Variants in TOP1 observed in about 807,000 individuals in gnomAD.
The protein encoded by TOP1 is DNA topoisomerase 1.
Under a neutral mutation model 111.1 loss-of-function variants are expected in TOP1, and 10 were observed. That is an observed-to-expected ratio of 0.09 (90% CI 0.06 to 0.15). The LOEUF (loss-of-function observed/expected upper bound fraction) is 0.15. TOP1 is among the 10% of genes least tolerant of loss of function. TOP1 has a pLI of 1.00. For synonymous variants in TOP1, 271 were observed against 302.9 expected (o/e 0.89, Z 1.10); for missense variants, 474 against 926.7 (o/e 0.51, Z 6.34).
Position 41,079,916 on chromosome 20 carries a change from A to G in TOP1, c.336-169A>G, listed in dbSNP as rs903180890. Among the ~76,000 whole-genome samples, 1 of 152,244 alleles carries G rather than the reference A, an allele frequency of 6.6e-6. No homozygotes were observed. Among genetic ancestry groups the G allele is most frequent in the African/African-American group, 2.4e-5 (1 of 41,462 alleles). On this transcript the variant is annotated intron_variant, in intron 5 of 20. Transcript: ENST00000361337. The surrounding 1 kb of genome is among the most constrained non-coding windows in gnomAD (Gnocchi z 4.0). ...TGTACAATGAGGACAAATACTATCT[A>G]CTTCACAGGATTGAAGTGAGAAAAA...
chr20:41,036,971 C>T (rs2122589156), intron 2 of TOP1, among the ~76,000 whole-genome samples: 1 of 152,018 alleles, frequency 6.6e-6, no homozygotes, highest in East Asian at 1.9e-4. Flanking sequence ...GCTGGGACTA[C>T]AGGCGCCCGC....
chr20:41,118,403 G>A lies in TOP1; in HGVS notation c.1950+107G>A, dbSNP rs1300549348. On this transcript the variant is annotated intron_variant, in intron 18 of 20. Transcript: ENST00000361337. The surrounding 1 kb of genome is among the most constrained non-coding windows in gnomAD (Gnocchi z 4.6). Reference sequence around the variant, plus strand: ...GCAGGCCAGTGCTGGGTCTGTTGTAGAAGGTCTATGCTAAAGATAAACAAA... The same window carrying A: ...GCAGGCCAGTGCTGGGTCTGTTGTAAAAGGTCTATGCTAAAGATAAACAAA... 7.6e-7 allele frequency: 1 copy of A among 1,316,990 alleles called. No individual in the cohort carries two copies. Among genetic ancestry groups the A allele is most frequent in the African/African-American group, 1.5e-5 (1 of 67,886 alleles). 81.6% of individuals were successfully genotyped at this position (1,316,990 alleles called of 1,614,324 possible).
rs571660213 is a variant in TOP1 at position 41,081,372 on chromosome 20, A to T, written c.507+132A>T. On this transcript the variant is annotated intron_variant, in intron 7 of 20. Transcript: ENST00000361337. ...TAACATTAGGGAAAACAAATTTAAT[A>T]AGTGGTGGCTGTGGCACTGGTAGTT... 10 of 1,097,122 alleles carry T rather than the reference A, an allele frequency of 9.1e-6. No homozygotes were observed. In the African/African-American group the frequency reaches 1.6e-4, roughly 18 times the overall value. 68.0% of individuals were successfully genotyped at this position (1,097,122 alleles called of 1,614,324 possible). A position where few individuals can be genotyped will look rare whatever the true frequency, so the allele number is the denominator to read the frequency against.
intron 3 of TOP1, chr20:41,072,692 CT>C: frequency 3.0e-6 from 3 of 985,438 alleles, no homozygotes; most frequent in Non-Finnish European, 3.6e-6. Context: ...AGGCACTCTG[CT>C]CTCCATTTGT....
intron 3 of TOP1, among the ~76,000 whole-genome samples, chr20:41,065,716 G>A (rs901257592): frequency 1.4e-4 from 21 of 151,756 alleles, no homozygotes; most frequent in African/African-American, 2.7e-4. Context: ...AGGTTTATCC[G>A]TATTGTAGCG....
intron 13 of TOP1, among the ~76,000 whole-genome samples, chr20:41,111,018 T>C (rs566737080): frequency 6.6e-6 from 1 of 152,326 alleles, no homozygotes; most frequent in Admixed American, 6.5e-5. Flanking sequence ...TAGTATCCTG[T>C]GAATGACGTG....
intron 8 of TOP1, among the ~76,000 whole-genome samples, chr20:41,088,645 A>G (rs1455202453): frequency 6.6e-6 from 1 of 152,148 alleles, no homozygotes; most frequent in Non-Finnish European, 1.5e-5. Flanking sequence ...AGATGCTCTC[A>G]TACACCTACA....
At chr20:41,104,476 T>G (rs929090177) in intron 13 of TOP1, among the ~76,000 whole-genome samples, 1 of 152,188 alleles carries the variant, frequency 6.6e-6, no homozygotes, top group African/African-American at 2.4e-5. Context: ...GTTAATTAAT[T>G]GTTGGAGCCT....
Position 41,072,571 on chromosome 20 carries a change from A to G in TOP1, c.156-3600A>G, listed in dbSNP as rs1030454449. The G allele has an allele frequency of 1.4e-5, 14 of 985,400 alleles. No individual in the cohort carries two copies. In the East Asian group the frequency reaches 1.6e-3, roughly 112 times the overall value. 61.0% of individuals were successfully genotyped at this position (985,400 alleles called of 1,614,324 possible). ...TTCTGTATCATAGGACTTGTTCCCC[A>G]GCGCCTTTGCTACTTCCTTCAGGCA... On this transcript the variant is annotated intron_variant, in intron 3 of 20. Transcript: ENST00000361337.
intron 8 of TOP1, 101 bp downstream of exon 8, chr20:41,084,669 G>A: frequency 1.5e-6 from 1 of 675,328 alleles, no homozygotes; most frequent in Non-Finnish European, 2.4e-6. Context: ...ATATTTGGGG[G>A]GAAATACTTT....
rs149674737 is a variant in TOP1 at position 41,118,419 on chromosome 20, G to A, written c.1950+123G>A. ...TCTGTTGTAGAAGGTCTATGCTAAA[G>A]ATAAACAAATGGAAATATGATAGTA... On this transcript the variant is annotated intron_variant, in intron 18 of 20. Transcript: ENST00000361337. The surrounding 1 kb of genome is among the most constrained non-coding windows in gnomAD (Gnocchi z 4.6). 56 of 1,114,534 alleles carry A rather than the reference G, an allele frequency of 5.0e-5. No individual in the cohort carries two copies. Among genetic ancestry groups the A allele is most frequent in the Non-Finnish European group, 6.0e-5 (47 of 778,984 alleles). The allele number at this position is 1,114,534 out of a possible 1,614,324, so 69.0% of individuals were successfully genotyped here.
At position 41,109,267 on chromosome 20, in the gene TOP1, T is replaced by A. The variant is rs371680696; in HGVS notation, c.1309-3515T>A. Among the ~76,000 whole-genome samples, 15 of 152,228 alleles carry A rather than the reference T, an allele frequency of 9.9e-5. No individual in the cohort carries two copies. In the East Asian group the frequency reaches 1.5e-3, roughly 16 times the overall value. ...AAATAAGACACAAGCTCATTAAAAA[T>A]ATATATATATTCTGAGCCTGGCATC... is the stretch of plus-strand genomic sequence containing the variant. On this transcript the variant is annotated intron_variant, in intron 13 of 20. Transcript: ENST00000361337. This position sits in a 1 kb window ranked among gnomAD's most constrained non-coding sequence, Gnocchi z 4.1.
At chr20:41,086,977 G>A (rs2033856545) in intron 8 of TOP1, among the ~76,000 whole-genome samples, 1 of 152,168 alleles carries the variant, frequency 6.6e-6, no homozygotes, top group Non-Finnish European at 1.5e-5. Context: ...TGCCACTGAT[G>A]ACCTAGTCGG....
chr20:41,084,061 G>T (rs1208711156), intron 7 of TOP1, among the ~76,000 whole-genome samples: 1 of 152,088 alleles, frequency 6.6e-6, no homozygotes, highest in African/African-American at 2.4e-5. Flanking sequence ...AATATCTAAT[G>T]CAAAGCCCCG....
chr20:41,072,089 G>A (rs908763397), intron 3 of TOP1, among the ~76,000 whole-genome samples: 14 of 152,198 alleles, frequency 9.2e-5, no homozygotes, highest in African/African-American at 3.4e-4. Flanking sequence ...AGGCAACCCT[G>A]AAGGTTTTTA....
rs2034324599 is a variant in TOP1, at chr20:41,116,063, C to A, written c.1708-215C>A. ...CTCCAGGCTGGGTGTCAGAGTGAGACCCTGTCATACACACACACAAAGATT... is the reference window on the plus strand; with the variant it reads ...CTCCAGGCTGGGTGTCAGAGTGAGAACCTGTCATACACACACACAAAGATT... On this transcript the variant is annotated intron_variant, in intron 16 of 20. Coordinates refer to ENST00000361337, the MANE Select transcript of TOP1 (RefSeq NM_003286.4). The surrounding 1 kb of genome is among the most constrained non-coding windows in gnomAD (Gnocchi z 5.6). Among the ~76,000 whole-genome samples the A allele has an allele frequency of 6.6e-6, 1 of 152,116 alleles. No individual in the cohort carries two copies. Among genetic ancestry groups the A allele is most frequent in the African/African-American group, 2.4e-5 (1 of 41,424 alleles).
chr20:41,046,293 A>G lies in TOP1; in HGVS notation c.59-15101A>G, dbSNP rs1211798230. On this transcript the variant is annotated intron_variant, in intron 2 of 20. Transcript: ENST00000361337. The surrounding 1 kb of genome is among the most constrained non-coding windows in gnomAD (Gnocchi z 4.3). ...AGAAATTGAATCTCACGGTTTAAGTAAAGTAACTAGCTCAAGGCTATATAG... is the reference window on the plus strand; with the variant it reads ...AGAAATTGAATCTCACGGTTTAAGTGAAGTAACTAGCTCAAGGCTATATAG... Among the ~76,000 whole-genome samples, 3 of 152,224 alleles carry G rather than the reference A, an allele frequency of 2.0e-5. No homozygotes were observed. The highest frequency in any genetic ancestry group is 2.9e-5 in the Non-Finnish European group (2 of 68,044).
intron 2 of TOP1, among the ~76,000 whole-genome samples, chr20:41,053,975 A>G (rs1191211112): frequency 6.6e-6 from 1 of 152,196 alleles, no homozygotes; most frequent in Non-Finnish European, 1.5e-5. Context: ...TATACCAACT[A>G]GATGCACCTT....
intron 14 of TOP1, 72 bp from the exon 15 acceptor site, chr20:41,113,898 A>C (rs1055960897): frequency 2.4e-5 from 30 of 1,250,428 alleles, no homozygotes; most frequent in East Asian, 1.5e-4. Flanking sequence ...AAAAAAAAAA[A>C]ACACAGAACG....
Sources: gnomAD v4.1 joint callset for allele counts (sites outside exome capture counted in the v4.1 genomes callset) on GRCh38, gnomAD v4.1.1 for gene constraint, Gnocchi (gnomAD v3.1) non-coding constraint, MANE v1.5 for transcripts, NCBI Gene and HGNC (gene_info 2026-07-23, HGNC 2026-07-21) for gene names.